The following LTBP1 variants were observed in gnomAD, a reference collection of about 807,000 sequenced individuals.
LTBP1 encodes latent transforming growth factor beta binding protein 1.
LTBP1 carries 129 observed loss-of-function variants against 207.6 expected under a neutral mutation model. The observed-to-expected ratio is 0.62, with a 90% CI of 0.54 to 0.72. The LOEUF is 0.72. Among genes scored for constraint, LTBP1 ranks in the 30% least tolerant of loss-of-function variants. The pLI is 0.00. For synonymous variants in LTBP1, 963 were observed against 833.7 expected (o/e 1.16, Z -2.67); for missense variants, 2,281 against 2,217.2 (o/e 1.03, Z -0.58).
rs556871836 is a variant in LTBP1 at position 33,075,653 on chromosome 2, A to G, written c.864-34929A>G. On this transcript the variant is annotated intron_variant, in intron 3 of 33. Coordinates refer to ENST00000404816, the MANE Select transcript of LTBP1 (RefSeq NM_206943.4). ...AATGGCCTTATGCGTGTTTGAACCAACATCTGATTTTGAAGTTACCCAACT... is the reference window on the plus strand; with the variant it reads ...AATGGCCTTATGCGTGTTTGAACCAGCATCTGATTTTGAAGTTACCCAACT... Among the ~76,000 whole-genome samples the G allele has an allele frequency of 2.5e-3, 378 of 152,332 alleles. 1 individual carries two copies. Among genetic ancestry groups the G allele is most frequent in the Non-Finnish European group, 4.0e-3 (274 of 68,028 alleles).
At chr2:33,245,705 T>C (rs1322044488) in intron 10 of LTBP1, among the ~76,000 whole-genome samples, 1 of 152,260 alleles carries the variant, frequency 6.6e-6, no homozygotes, top group East Asian at 1.9e-4. Flanking sequence ...GGGATCATTT[T>C]TGGCTGATTT....
At chr2:33,128,178 C>T (rs568268278) in intron 4 of LTBP1, among the ~76,000 whole-genome samples, 8 of 152,282 alleles carry the variant, frequency 5.3e-5, no homozygotes, top group Admixed American at 5.2e-4. Context: ...CATGCTTCTC[C>T]ACATACAGAT....
chr2:33,329,780 G>C (rs188476121), intron 24 of LTBP1, among the ~76,000 whole-genome samples: 127 of 152,100 alleles, frequency 8.3e-4, no homozygotes, highest in African/African-American at 2.7e-3. Flanking sequence ...CCTAGTTACA[G>C]TAGCTTTATA....
intron 17 of LTBP1, among the ~76,000 whole-genome samples, chr2:33,275,490 G>A (rs543956297): frequency 1.3e-5 from 2 of 152,214 alleles, no homozygotes; most frequent in South Asian, 4.1e-4. Context: ...TTTGAGACCA[G>A]CCTGACCAAC....
chr2:33,347,238 G>C (rs540695736), intron 25 of LTBP1, 129 bp from the exon 26 acceptor site: 1 of 922,566 alleles, frequency 1.1e-6, no homozygotes, highest in African/African-American at 1.6e-5. Flanking sequence ...AAGAGCAGAA[G>C]GGGTTTGACT....
intron 3 of LTBP1, among the ~76,000 whole-genome samples, chr2:33,097,646 T>G (rs1448241705): frequency 6.6e-6 from 1 of 152,214 alleles, no homozygotes; most frequent in African/African-American, 2.4e-5. Context: ...AATAATGTGG[T>G]GGATAACCTG....
intron 24 of LTBP1, among the ~76,000 whole-genome samples, chr2:33,332,339 G>A (rs866056546): frequency 4.5e-4 from 56 of 125,448 alleles, no homozygotes; most frequent in African/African-American, 1.5e-3. Flanking sequence ...TTGAGGCCAG[G>A]CCAGCCTGGT....
intron 26 of LTBP1, among the ~76,000 whole-genome samples, chr2:33,355,034 G>C (rs1258202566): frequency 6.6e-6 from 1 of 152,122 alleles, no homozygotes; most frequent in Non-Finnish European, 1.5e-5. Flanking sequence ...CCTAGAACTT[G>C]CTATAAACTA....
rs2092825245 is a variant in LTBP1 at position 33,255,489 on chromosome 2, C to T, written c.2168-1795C>T. 2.0e-5 allele frequency among the ~76,000 whole-genome samples: 3 copies of T among 152,218 alleles called. No individual in the cohort carries two copies. In the South Asian group the frequency reaches 6.2e-4, roughly 32 times the overall value. ...CAGCCATCCCATTACTGGATATATA[C>T]CCAAATGACTATAAATCATGCTGCT... On this transcript the variant is annotated intron_variant, in intron 11 of 33. Coordinates refer to ENST00000404816, the MANE Select transcript of LTBP1 (RefSeq NM_206943.4).
chr2:33,007,830 A>G (rs77782740), intron 2 of LTBP1, among the ~76,000 whole-genome samples: 59 of 152,266 alleles, frequency 3.9e-4, no homozygotes, highest in African/African-American at 1.4e-3. Flanking sequence ...CTTTGCATGT[A>G]TTAATTAATC....
intron 2 of LTBP1, among the ~76,000 whole-genome samples, chr2:32,989,622 G>A (rs1029982189): frequency 1.3e-5 from 2 of 152,134 alleles, no homozygotes; most frequent in African/African-American, 4.8e-5. Context: ...AGGTGTCTGG[G>A]GAACAAGTCC....
intron 11 of LTBP1, among the ~76,000 whole-genome samples, chr2:33,255,071 T>G (rs1327781065): frequency 8.6e-3 from 192 of 22,378 alleles, no homozygotes; most frequent in Non-Finnish European, 0.01. Context: ...GTGCTATCCC[T>G]CCCCCCTCCC....
chr2:33,146,984 C>G (rs1206058523), intron 5 of LTBP1, among the ~76,000 whole-genome samples: 4 of 152,164 alleles, frequency 2.6e-5, no homozygotes, highest in African/African-American at 7.2e-5. Context: ...TTATCAGTGA[C>G]TTAATGAAGC....
At chr2:33,067,982 T>C (rs571060991) in intron 3 of LTBP1, among the ~76,000 whole-genome samples, 1 of 152,136 alleles carries the variant, frequency 6.6e-6, no homozygotes, top group Non-Finnish European at 1.5e-5. Flanking sequence ...CAGAAGAATA[T>C]AATAAAAATT....
intron 11 of LTBP1, among the ~76,000 whole-genome samples, chr2:33,256,076 C>CTTT: frequency 7.0e-6 from 1 of 142,882 alleles, no homozygotes; most frequent in African/African-American, 2.6e-5. Flanking sequence ...GCTGAGTCTA[C>CTTT]TTTTTTTTTT....
At chr2:33,355,247 G>A (rs1364781805) in intron 26 of LTBP1, among the ~76,000 whole-genome samples, 1 of 151,844 alleles carries the variant, frequency 6.6e-6, no homozygotes, top group Non-Finnish European at 1.5e-5. Context: ...TCATCTCAGT[G>A]TACTATTCTC....
At chr2:33,017,043 G>T (rs143672798) in intron 2 of LTBP1, among the ~76,000 whole-genome samples, 1 of 151,980 alleles carries the variant, frequency 6.6e-6, no homozygotes, top group East Asian at 1.9e-4. Flanking sequence ...AAAATAAAAG[G>T]TACTTCTGTG....
intron 7 of LTBP1, among the ~76,000 whole-genome samples, chr2:33,193,183 G>T (rs949215850): frequency 5.3e-5 from 8 of 152,044 alleles, no homozygotes; most frequent in African/African-American, 1.9e-4. Flanking sequence ...TCACTCTGTG[G>T]CCCAAGCTGG....
intron 2 of LTBP1, among the ~76,000 whole-genome samples, chr2:33,004,746 G>C (rs1243786515): frequency 7.2e-6 from 1 of 138,254 alleles, no homozygotes; most frequent in African/African-American, 2.6e-5. Flanking sequence ...CTGCACTTCA[G>C]CCTGGGTGAC....
Sources: allele counts gnomAD v4.1 joint callset (sites outside exome capture counted in the v4.1 genomes callset), GRCh38; gene constraint gnomAD v4.1.1; transcripts MANE v1.5; gene names NCBI Gene and HGNC (gene_info 2026-07-23, HGNC 2026-07-21).